HDAC9: variants seen among roughly 807,000 people sequenced by gnomAD.
The protein encoded by HDAC9 is MEF-2 interacting transcription repressor (MITR) protein.
HDAC9 carries 41 observed loss-of-function variants against 139.4 expected under a neutral mutation model. The ratio of observed to expected loss-of-function variants is 0.29; its 90% CI spans 0.23 to 0.38. The LOEUF (loss-of-function observed/expected upper bound fraction) is 0.38, where lower values mean the gene tolerates loss of function less well. Ranked by LOEUF, HDAC9 falls within the 10% of genes least tolerant of loss-of-function variation. The pLI is 1.00. For missense variants in HDAC9, 1,147 were observed against 1,297.0 expected, an observed-to-expected ratio of 0.88 and a Z score of 1.78; for synonymous variants, 517 against 476.2, an observed-to-expected ratio of 1.09 and a Z score of -1.12.
chr7:18,919,293 A>T (rs896970421), intron 22 of HDAC9, among the ~76,000 whole-genome samples: 5 of 152,152 alleles, frequency 3.3e-5, no homozygotes, highest in African/African-American at 9.6e-5. Flanking sequence ...ATACTTCATC[A>T]TAAAGCTAAC....
chr7:18,594,969 A>C (rs1832068286), intron 6 of HDAC9, among the ~76,000 whole-genome samples: 1 of 152,070 alleles, frequency 6.6e-6, no homozygotes, highest in African/African-American at 2.4e-5. Context: ...CTGCAGAGTG[A>C]AAATGATTTC....
chr7:18,358,459 A>G (rs530116793), intron 1 of HDAC9, among the ~76,000 whole-genome samples: 1 of 152,336 alleles, frequency 6.6e-6, no homozygotes, highest in South Asian at 2.1e-4. Context: ...GATTTTGGAA[A>G]CATGAATATC....
intron 1 of HDAC9, among the ~76,000 whole-genome samples, chr7:18,415,987 C>G (rs1437051619): frequency 1.3e-4 from 20 of 151,948 alleles, no homozygotes; most frequent in Non-Finnish European, 4.4e-5. Context: ...ATTGGAGTTG[C>G]TAAAATTTTA....
At chr7:18,392,919 C>CAAAAAAAAAAA (rs773532939) in intron 1 of HDAC9, among the ~76,000 whole-genome samples, 4 of 44,548 alleles carry the variant, frequency 9.0e-5, no homozygotes, top group African/African-American at 2.4e-4. Flanking sequence ...CCATGACTGG[C>CAAAAAAAAAAA]AAAAAAAAAA....
At chr7:18,431,262 T>G (rs1790632838) in intron 1 of HDAC9, among the ~76,000 whole-genome samples, 1 of 152,138 alleles carries the variant, frequency 6.6e-6, no homozygotes, top group Non-Finnish European at 1.5e-5. Context: ...TGCGAAATAA[T>G]ATATTAAATG....
intron 14 of HDAC9, among the ~76,000 whole-genome samples, chr7:18,751,930 A>G (rs1226215121): frequency 1.3e-5 from 2 of 152,040 alleles, no homozygotes; most frequent in African/African-American, 4.8e-5. Flanking sequence ...GTAGAATACT[A>G]CCTAGTGCTC....
At chr7:18,571,124 A>C (rs1052439152) in intron 2 of HDAC9, among the ~76,000 whole-genome samples, 2 of 152,276 alleles carry the variant, frequency 1.3e-5, no homozygotes, top group Non-Finnish European at 2.9e-5. Context: ...TTAGCTTGGC[A>C]AGGCTTATAT....
intron 22 of HDAC9, among the ~76,000 whole-genome samples, chr7:18,930,253 C>T (rs1172071807): frequency 6.6e-6 from 1 of 152,070 alleles, no homozygotes; most frequent in African/African-American, 2.4e-5. Flanking sequence ...TCACTTAGCC[C>T]ATCAGCCCTC....
chr7:18,978,463 G>A (rs1009024985), intron 25 of HDAC9, among the ~76,000 whole-genome samples: 6 of 152,118 alleles, frequency 3.9e-5, no homozygotes, highest in Non-Finnish European at 8.8e-5. Flanking sequence ...GGGCCTTGAA[G>A]AATAAATTAC....
chr7:18,612,232 G>A (rs1011718915), intron 6 of HDAC9, among the ~76,000 whole-genome samples: 5 of 151,884 alleles, frequency 3.3e-5, no homozygotes, highest in Admixed American at 2.0e-4. Context: ...GGGATCTTTT[G>A]TTTGTAGTAC....
intron 2 of HDAC9, chr7:18,578,255 C>T: frequency 1.9e-6 from 1 of 518,856 alleles, no homozygotes; most frequent in Non-Finnish European, 3.8e-6. Context: ...TCATTCTTCT[C>T]TTTTCCACAC....
chr7:18,932,848 A>AAAAGAAAG (rs71017014), intron 22 of HDAC9, among the ~76,000 whole-genome samples: 10,174 of 138,204 alleles, frequency 0.074, 445 homozygotes, highest in South Asian at 0.16. Flanking sequence ...AGGAAGGAAA[A>AAAAGAAAG]AAAGAAAGAA....
intron 22 of HDAC9, 37 bp from the exon 23 acceptor site, chr7:18,935,772 T>G (rs747071274): frequency 8.2e-6 from 13 of 1,593,308 alleles, no homozygotes; most frequent in Middle Eastern, 1.7e-4. Context: ...TTTCTCTTGA[T>G]TTAATACTTT....
At chr7:18,440,333 C>T (rs556749261) in intron 1 of HDAC9, among the ~76,000 whole-genome samples, 45 of 151,824 alleles carry the variant, frequency 3.0e-4, no homozygotes, top group South Asian at 2.9e-3. Context: ...TACAGGCATG[C>T]GCCACCATGC....
intron 2 of HDAC9, among the ~76,000 whole-genome samples, chr7:18,225,584 A>G (rs1247271101): frequency 1.3e-5 from 2 of 152,146 alleles, no homozygotes; most frequent in Admixed American, 6.5e-5. Context: ...AAGTTTAATT[A>G]TGTGTTCATG....
chr7:18,158,354 G>C (rs1318818563), intron 1 of HDAC9, among the ~76,000 whole-genome samples: 1 of 152,172 alleles, frequency 6.6e-6, no homozygotes, highest in African/African-American at 2.4e-5. Context: ...TTGTGACTGA[G>C]TTTGATCTAT....
At chr7:18,446,359 T>C (rs1792291677) in intron 1 of HDAC9, among the ~76,000 whole-genome samples, 1 of 152,100 alleles carries the variant, frequency 6.6e-6, no homozygotes, top group Non-Finnish European at 1.5e-5. Flanking sequence ...CTGTTCTTTC[T>C]CATGCCTAGT....
chr7:18,868,828 G>C (rs1798689311), intron 21 of HDAC9, among the ~76,000 whole-genome samples: 1 of 151,976 alleles, frequency 6.6e-6, no homozygotes, highest in African/African-American at 2.4e-5. Context: ...GACCCTCTCT[G>C]GAATGAAGGA....
At chr7:18,277,445 T>C (rs1584968724) in intron 2 of HDAC9, among the ~76,000 whole-genome samples, 1 of 152,156 alleles carries the variant, frequency 6.6e-6, no homozygotes, top group East Asian at 1.9e-4. Flanking sequence ...GAAAGAAAGA[T>C]GAAAATTACT....
Sources: allele counts gnomAD v4.1 joint callset (sites outside exome capture counted in the v4.1 genomes callset), GRCh38; gene constraint gnomAD v4.1.1; transcripts MANE v1.5; gene names NCBI Gene and HGNC (gene_info 2026-07-23, HGNC 2026-07-21).